Variants in SND1 observed in about 807,000 individuals in gnomAD.
SND1 encodes staphylococcal nuclease domain-containing protein 1.
In SND1, 38 loss-of-function variants were observed where a neutral mutation model predicts 121.7. The observed-to-expected ratio is 0.31, with a 90% confidence interval of 0.24 to 0.41. SND1 has a LOEUF of 0.41. Ranked by LOEUF, SND1 falls within the 10% of genes least tolerant of loss-of-function variation. SND1 has a pLI of 1.00. For missense variants in SND1, 868 were observed against 1,184.6 expected, an observed-to-expected ratio of 0.73 and a Z score of 3.92; for synonymous variants, 401 against 447.4, an observed-to-expected ratio of 0.90 and a Z score of 1.31.
intron 16 of SND1, among the ~76,000 whole-genome samples, chr7:128,010,982 C>G (rs369172515): frequency 6.6e-6 from 1 of 152,066 alleles, no homozygotes; most frequent in East Asian, 1.9e-4. Flanking sequence ...ATGATACAGC[C>G]TCATCTTTTT....
chr7:127,708,011 T>C (rs987415990), intron 9 of SND1, among the ~76,000 whole-genome samples: 25 of 152,142 alleles, frequency 1.6e-4, no homozygotes, highest in African/African-American at 6.0e-4. Context: ...TATTTTGACT[T>C]TACAGTGGTG....
intron 20 of SND1, among the ~76,000 whole-genome samples, chr7:128,086,165 C>T (rs1187085374): frequency 1.3e-5 from 2 of 152,200 alleles, no homozygotes; most frequent in African/African-American, 2.4e-5. Flanking sequence ...CGGCACATCC[C>T]CAAACTCAGG....
At position 127,721,343 on chromosome 7, in the gene SND1, C is replaced by T; in HGVS notation, c.1095C>T (p.Tyr365=). Residue 365 remains tyrosine (Y), a synonymous_variant, in exon 10 of 24, where the codon TAC becomes TAT. Transcript: ENST00000354725. Reference sequence around the variant, plus strand: ...TTGTGAAGCTGAACTCAGGCGATTACAAGACGATTCACCTGTCCAGCATCC... The same window carrying T: ...TTGTGAAGCTGAACTCAGGCGATTATAAGACGATTCACCTGTCCAGCATCC... ...AIVVKLNSGD[Y]KTIHLSSIRP... 6.2e-7 allele frequency: 1 copy of T among 1,613,658 alleles called. No homozygotes were observed. The highest frequency in any genetic ancestry group is 8.5e-7 in the Non-Finnish European group (1 of 1,179,832).
At chr7:127,823,426 A>G (rs1798586330) in intron 11 of SND1, among the ~76,000 whole-genome samples, 2 of 152,000 alleles carry the variant, frequency 1.3e-5, no homozygotes, top group African/African-American at 4.8e-5. Flanking sequence ...TTCTTGACAC[A>G]TTTTTCACAA....
At chr7:128,003,715 T>C (rs1802891743) in intron 16 of SND1, among the ~76,000 whole-genome samples, 1 of 152,224 alleles carries the variant, frequency 6.6e-6, no homozygotes, top group Admixed American at 6.5e-5. Flanking sequence ...TGATTGGATA[T>C]GGATTTTTGG....
chr7:127,730,738 A>G (rs1193760158), intron 10 of SND1, among the ~76,000 whole-genome samples: 1 of 152,166 alleles, frequency 6.6e-6, no homozygotes, highest in African/African-American at 2.4e-5. Flanking sequence ...TGCTAACTAA[A>G]TGTCTAGCAC....
intron 10 of SND1, among the ~76,000 whole-genome samples, chr7:127,806,763 C>A (rs1798245562): frequency 6.6e-6 from 1 of 152,082 alleles, no homozygotes; most frequent in Non-Finnish European, 1.5e-5. Context: ...AGTTTGAGAC[C>A]AGCCTAGCCA....
intron 12 of SND1, among the ~76,000 whole-genome samples, chr7:127,871,779 T>A (rs1799592342): frequency 6.6e-6 from 1 of 152,134 alleles, no homozygotes. Context: ...TGGATAGAAG[T>A]GTGAATCTAC....
At chr7:127,775,334 CT>C (rs1229116391) in intron 10 of SND1, among the ~76,000 whole-genome samples, 25 of 147,954 alleles carry the variant, frequency 1.7e-4, no homozygotes, top group African/African-American at 4.2e-4. Flanking sequence ...CCACCCCCAC[CT>C]TTTTTTTTTC....
chr7:127,745,895 G>A (rs150141888), intron 10 of SND1, among the ~76,000 whole-genome samples: 1 of 152,294 alleles, frequency 6.6e-6, no homozygotes, highest in Non-Finnish European at 1.5e-5. Context: ...GAGGTGTAGC[G>A]ATCATGCCAA....
At chr7:127,997,706 C>T (rs551435321) in intron 16 of SND1, 13 of 532,502 alleles carry the variant, frequency 2.4e-5, no homozygotes, top group East Asian at 1.6e-4. Flanking sequence ...GTCTCACCAC[C>T]CCCACTCACT....
chr7:127,780,091 T>C (rs1180619096), intron 10 of SND1, among the ~76,000 whole-genome samples: 1 of 152,220 alleles, frequency 6.6e-6, no homozygotes, highest in African/African-American at 2.4e-5. Context: ...TCCTTGAAGA[T>C]CATAGACACT....
At chr7:127,858,002 C>A in intron 12 of SND1, 1 of 1,456,786 alleles carries the variant, frequency 6.9e-7, no homozygotes, top group Non-Finnish European at 9.6e-7. Context: ...TCGGCATCCC[C>A]CGGGTTCTCC....
At chr7:127,975,731 G>A (rs1802104201) in intron 15 of SND1, among the ~76,000 whole-genome samples, 1 of 152,180 alleles carries the variant, frequency 6.6e-6, no homozygotes, top group African/African-American at 2.4e-5. Flanking sequence ...GAGGCTGGCA[G>A]ATCACTACAG....
intron 12 of SND1, among the ~76,000 whole-genome samples, chr7:127,874,235 G>T (rs1276686905): frequency 6.6e-6 from 1 of 152,114 alleles, no homozygotes; most frequent in Non-Finnish European, 1.5e-5. Flanking sequence ...TTCATCTTCT[G>T]TGGTGTACAG....
chr7:127,860,017 T>G (rs2116680147), intron 12 of SND1, among the ~76,000 whole-genome samples: 1 of 152,300 alleles, frequency 6.6e-6, no homozygotes, highest in Admixed American at 6.5e-5. Flanking sequence ...GTTTGGAAGA[T>G]GTACATGATG....
At chr7:128,021,732 G>A (rs1803353209) in intron 16 of SND1, among the ~76,000 whole-genome samples, 1 of 152,126 alleles carries the variant, frequency 6.6e-6, no homozygotes, top group South Asian at 2.1e-4. Flanking sequence ...GCCCTGGAGA[G>A]GAAATATCAT....
intron 16 of SND1, among the ~76,000 whole-genome samples, chr7:128,046,364 T>TG (rs2117013938): frequency 7.1e-6 from 1 of 141,200 alleles, no homozygotes; most frequent in African/African-American, 2.8e-5. Context: ...GTTGTTGTTG[T>TG]GTTTTTTTTT....
chr7:127,748,655 A>G (rs979713344), intron 10 of SND1, among the ~76,000 whole-genome samples: 5 of 152,240 alleles, frequency 3.3e-5, no homozygotes, highest in African/African-American at 1.2e-4. Flanking sequence ...TAGAAATCAT[A>G]TTCCTACTTC....
Sources: gnomAD v4.1 joint callset for allele counts (sites outside exome capture counted in the v4.1 genomes callset) on GRCh38, gnomAD v4.1.1 for gene constraint, MANE v1.5 for transcripts, NCBI Gene and HGNC (gene_info 2026-07-23, HGNC 2026-07-21) for gene names.